ARHGEF28: variants seen among roughly 807,000 people sequenced by gnomAD.
ARHGEF28 encodes 190 kDa guanine nucleotide exchange factor.
A neutral mutation model predicts 206.6 loss-of-function variants in ARHGEF28; 152 were observed. That is an observed-to-expected ratio of 0.74 (90% CI 0.64 to 0.84). The LOEUF (loss-of-function observed/expected upper bound fraction) is 0.84. Ranked by LOEUF, ARHGEF28 falls within the 40% of genes least tolerant of loss-of-function variation. The probability of loss-of-function intolerance (pLI) is 0.00; values close to 1 mark genes in which losing one functional copy is unlikely to be tolerated. For synonymous variants in ARHGEF28, 763 were observed against 776.4 expected (o/e 0.98, Z 0.29); for missense variants, 2,028 against 2,073.2 (o/e 0.98, Z 0.42).
At position 73,776,604 on chromosome 5, in the gene ARHGEF28, A is replaced by G; in HGVS notation, c.748A>G (p.Thr250Ala). Residue 250 changes from threonine to alanine, a missense_variant, in exon 6 of 36, where the codon ACC becomes GCC. By Grantham distance (58) the Thr-to-Ala change is moderately conservative. This residue lies in a region of ARHGEF28 where 1,002 missense variants were observed against 1,015.3 expected (regional missense o/e 0.99). Transcript: ENST00000513042. ...TTACATTCACTCATCGGAAACGCTG[A>G]CCCTGACCCTGAACCACACAGCCGA... ...LHYIHSSETL[T>A]LTLNHTAEHL... is the part of the protein sequence containing the mutation. 6.2e-7 allele frequency: 1 copy of G among 1,613,912 alleles called. No individual in the cohort carries two copies. The highest frequency in any genetic ancestry group is 1.1e-5 in the South Asian group (1 of 91,068).
chr5:73,655,930 A>G (rs1357213800), intron 1 of ARHGEF28, among the ~76,000 whole-genome samples: 1 of 152,152 alleles, frequency 6.6e-6, no homozygotes, highest in Admixed American at 6.5e-5. Flanking sequence ...TCATTTTCTT[A>G]TGTTGTCACT....
At chr5:73,859,703 T>G (rs1759271012) in intron 16 of ARHGEF28, among the ~76,000 whole-genome samples, 1 of 152,208 alleles carries the variant, frequency 6.6e-6, no homozygotes, top group African/African-American at 2.4e-5. Flanking sequence ...ATGGGTTGTT[T>G]CTGGCCTGCC....
intron 1 of ARHGEF28, among the ~76,000 whole-genome samples, chr5:73,674,926 C>T (rs899603688): frequency 1.3e-5 from 2 of 152,140 alleles, no homozygotes; most frequent in South Asian, 2.1e-4. Flanking sequence ...CATGCTTCAC[C>T]CTATGCATTT....
At chr5:73,863,761 C>G (rs960672388) in intron 16 of ARHGEF28, among the ~76,000 whole-genome samples, 3 of 151,708 alleles carry the variant, frequency 2.0e-5, no homozygotes, top group Admixed American at 6.6e-5. Flanking sequence ...CTTAGGGTAT[C>G]TACATTTTCC....
At chr5:73,857,013 G>T (rs1048265414) in intron 14 of ARHGEF28, among the ~76,000 whole-genome samples, 1 of 152,088 alleles carries the variant, frequency 6.6e-6, no homozygotes, top group African/African-American at 2.4e-5. Flanking sequence ...GGTGTTCAGG[G>T]TATTCATGGG....
intron 1 of ARHGEF28, among the ~76,000 whole-genome samples, chr5:73,645,162 A>G (rs1317415197): frequency 6.6e-6 from 1 of 151,982 alleles, no homozygotes; most frequent in Non-Finnish European, 1.5e-5. Context: ...AAAAAAATCA[A>G]ATTATTAAGT....
At chr5:73,735,056 G>C (rs1044263557) in intron 2 of ARHGEF28, among the ~76,000 whole-genome samples, 1 of 152,032 alleles carries the variant, frequency 6.6e-6, no homozygotes, top group Admixed American at 6.5e-5. Context: ...TCACTGTGCT[G>C]TTTTGAGAAA....
chr5:73,633,181 G>A (rs141060970), intron 1 of ARHGEF28, among the ~76,000 whole-genome samples: 1 of 152,242 alleles, frequency 6.6e-6, no homozygotes, highest in East Asian at 1.9e-4. Flanking sequence ...GTGAACGATG[G>A]GGAGCAGCTG....
intron 1 of ARHGEF28, among the ~76,000 whole-genome samples, chr5:73,647,905 A>T (rs1744539509): frequency 2.0e-5 from 3 of 152,252 alleles, no homozygotes; most frequent in African/African-American, 7.2e-5. Context: ...AACATCTGAA[A>T]GGCAAAGATT....
intron 10 of ARHGEF28, among the ~76,000 whole-genome samples, chr5:73,839,303 T>C (rs750383486): frequency 3.3e-5 from 5 of 152,218 alleles, no homozygotes; most frequent in Non-Finnish European, 7.3e-5. Flanking sequence ...AAATATCCTG[T>C]TGCTCATTAG....
chr5:73,786,879 T>C (rs897119480), intron 7 of ARHGEF28, among the ~76,000 whole-genome samples: 16 of 152,210 alleles, frequency 1.1e-4, no homozygotes, highest in Admixed American at 6.5e-4. Flanking sequence ...GACCCAGCCA[T>C]TCGTGTCGTG....
At chr5:73,678,497 T>C (rs73116532) in intron 1 of ARHGEF28, among the ~76,000 whole-genome samples, 21 of 152,302 alleles carry the variant, frequency 1.4e-4, no homozygotes, top group Admixed American at 1.2e-3. Flanking sequence ...TAATCCAAAT[T>C]TGAGGGAGGC....
intron 7 of ARHGEF28, among the ~76,000 whole-genome samples, chr5:73,785,541 G>A (rs779903998): frequency 2.6e-5 from 4 of 152,072 alleles, no homozygotes; most frequent in African/African-American, 7.2e-5. Context: ...GATCATTCAT[G>A]CCTCCCTCGA....
chr5:73,711,768 A>G (rs1328654856), intron 2 of ARHGEF28, among the ~76,000 whole-genome samples: 1 of 151,822 alleles, frequency 6.6e-6, no homozygotes, highest in African/African-American at 2.4e-5. Flanking sequence ...GTAGATGATA[A>G]TCATGTCATC....
intron 22 of ARHGEF28, among the ~76,000 whole-genome samples, chr5:73,878,909 T>C (rs1399054224): frequency 6.6e-6 from 1 of 152,070 alleles, no homozygotes; most frequent in East Asian, 1.9e-4. Flanking sequence ...TGTCTTGGAG[T>C]TGGTCTTCTC....
chr5:73,892,111 G>C lies in ARHGEF28; in HGVS notation c.3447G>C (p.Glu1149Asp). ...QKLIAREVAN[E>D]ERGMFLISAS... ...TTATTGCTAGAGAAGTTGCTAATGA[G>C]GAGAGAGGAATGTTTCTGATCAGTG... Residue 1149 changes from glutamate (E) to aspartate (D), a missense_variant, in exon 27 of 36, where the codon GAG becomes GAC. Coordinates refer to ENST00000513042, the MANE Select transcript of ARHGEF28 (RefSeq NM_001177693.2). 6.3e-7 allele frequency: 1 copy of C among 1,596,834 alleles called. No homozygotes were observed. Among genetic ancestry groups the C allele is most frequent in the Non-Finnish European group, 8.5e-7 (1 of 1,170,762 alleles).
chr5:73,840,599 C>G lies in ARHGEF28; in HGVS notation c.1266C>G (p.Thr422=). Residue 422 remains threonine (T), a synonymous_variant, in exon 11 of 36, where the codon ACC becomes ACG. Transcript: ENST00000513042. ...GCAAACACACCCTTCCTACAGAAAC[C>G]AGTCCCAGTGTGTACCCACTTAGTG... The part of the protein sequence containing the change: ...QSSKHTLPTE[T]SPSVYPLSEN... 1 of 1,614,012 alleles carries G rather than the reference C, an allele frequency of 6.2e-7. No individual in the cohort carries two copies. Among genetic ancestry groups the G allele is most frequent in the Non-Finnish European group, 8.5e-7 (1 of 1,179,880 alleles).
intron 2 of ARHGEF28, among the ~76,000 whole-genome samples, chr5:73,703,057 T>C (rs1248091012): frequency 6.6e-6 from 1 of 152,202 alleles, no homozygotes. Context: ...AAAAGTTACC[T>C]GAATCCAATT....
chr5:73,795,343 C>T lies in ARHGEF28; in HGVS notation c.976C>T (p.Leu326=), dbSNP rs1754738692. Residue 326 remains leucine, a synonymous_variant, in exon 9 of 36, where the codon CTG becomes TTG. Coordinates refer to ENST00000513042, the MANE Select transcript of ARHGEF28 (RefSeq NM_001177693.2). ...TTATCTCTTCCAGCGTGTCAAAAGCCTGGTGGTTCAACACAATGAACATGA... is the reference window on the plus strand; with the variant it reads ...TTATCTCTTCCAGCGTGTCAAAAGCTTGGTGGTTCAACACAATGAACATGA... ...EKEDIKRVKS[L]VVQHNEHEDQ... is the part of the protein sequence containing the mutation. 6.2e-7 allele frequency: 1 copy of T among 1,613,736 alleles called. No homozygotes were observed. The highest frequency in any genetic ancestry group is 8.5e-7 in the Non-Finnish European group (1 of 1,179,798).
Sources: gnomAD v4.1 joint callset for allele counts (sites outside exome capture counted in the v4.1 genomes callset) on GRCh38, gnomAD v4.1.1 for gene constraint, gnomAD v4.1.1 regional missense constraint, MANE v1.5 for transcripts, NCBI Gene and HGNC (gene_info 2026-07-23, HGNC 2026-07-21) for gene names.